Variants in LRRC37A2 observed in about 807,000 individuals in gnomAD.
The protein encoded by LRRC37A2 is leucine rich repeat containing 37 member A2, also known as leucine-rich repeat-containing protein 37A2.
Under a neutral mutation model 68.8 loss-of-function variants are expected in LRRC37A2, and 9 were observed. The observed-to-expected ratio is 0.13, with a 90% CI of 0.08 to 0.23. LRRC37A2 has a LOEUF of 0.23. Ranked by LOEUF, LRRC37A2 falls within the 10% of genes least tolerant of loss-of-function variation. LRRC37A2 has a pLI of 1.00. For synonymous variants in LRRC37A2, 63 were observed against 367.6 expected (o/e 0.17, Z 9.48); for missense variants, 168 against 950.4 (o/e 0.18, Z 10.82).
chr17:46,422,675 AT>A, the LRRC37A2 span: 2 of 195,572 alleles, frequency 1.0e-5, no homozygotes, highest in East Asian at 6.3e-5. Context: ...TTGCTTAGTG[AT>A]TTTTTTCATA....
the LRRC37A2 span, chr17:46,876,482 G>A: frequency 2.5e-6 from 4 of 1,613,678 alleles, no homozygotes; most frequent in South Asian, 2.2e-5. Context: ...AAGGTCTGGG[G>A]ACCTGGTGTA....
the LRRC37A2 span, among the ~76,000 whole-genome samples, chr17:46,977,627 G>A: frequency 1.3e-5 from 2 of 152,316 alleles, no homozygotes; most frequent in South Asian, 4.1e-4. Flanking sequence ...TTTCTCCATT[G>A]TATAATAAAC....
At chr17:46,779,852 A>G in the LRRC37A2 span, among the ~76,000 whole-genome samples, 149,270 of 152,202 alleles carry the variant, frequency 0.98, 73,256 homozygotes, top group East Asian at 1. Flanking sequence ...TCTGCCTCCC[A>G]AGTTCAAGTG....
At chr17:46,445,204 A>G in the LRRC37A2 span, among the ~76,000 whole-genome samples, 1 of 69,928 alleles carries the variant, frequency 1.4e-5, no homozygotes, top group Non-Finnish European at 3.3e-5. Context: ...GTAGGCCGAA[A>G]TTGTGCTAAC....
the LRRC37A2 span, among the ~76,000 whole-genome samples, chr17:46,606,142 G>A: frequency 1.9e-4 from 5 of 26,242 alleles, no homozygotes; most frequent in Non-Finnish European, 3.0e-4. Context: ...TCACGCCATT[G>A]CACTCCAGCC....
chr17:46,902,096 C>T, the LRRC37A2 span, among the ~76,000 whole-genome samples: 6 of 152,320 alleles, frequency 3.9e-5, no homozygotes, highest in African/African-American at 1.2e-4. Context: ...GTATGAGCCA[C>T]GGCACTGGGC....
the LRRC37A2 span, among the ~76,000 whole-genome samples, chr17:46,776,960 C>T: frequency 6.6e-6 from 1 of 152,146 alleles, no homozygotes; most frequent in African/African-American, 2.4e-5. Flanking sequence ...GGCCTGGGCA[C>T]CCTCAAGCTA....
At chr17:46,696,572 G>T in the LRRC37A2 span, among the ~76,000 whole-genome samples, 1 of 94,566 alleles carries the variant, frequency 1.1e-5, no homozygotes, top group African/African-American at 5.9e-5. Flanking sequence ...GCTTCAGCAT[G>T]GAAGTTAGGG....
the LRRC37A2 span, chr17:46,875,264 C>A: frequency 1.2e-6 from 2 of 1,614,214 alleles, no homozygotes; most frequent in Middle Eastern, 1.6e-4. Context: ...GTGACAACCT[C>A]AAGTACAGCA....
At chr17:46,785,874 G>A in the LRRC37A2 span, among the ~76,000 whole-genome samples, 1 of 152,208 alleles carries the variant, frequency 6.6e-6, no homozygotes, top group Non-Finnish European at 1.5e-5. Context: ...GGAGGGCGGG[G>A]CAGTGCCTGG....
chr17:46,625,879 T>TA, the LRRC37A2 span, among the ~76,000 whole-genome samples: 5,462 of 58,364 alleles, frequency 0.094, 76 homozygotes, highest in East Asian at 0.13. Flanking sequence ...CCACATGTAT[T>TA]AAAAAAAAAA....
chr17:46,685,422 A>G, the LRRC37A2 span, among the ~76,000 whole-genome samples: 122 of 149,972 alleles, frequency 8.1e-4, no homozygotes, highest in African/African-American at 1.7e-3. Flanking sequence ...TGTGTTACAT[A>G]ATAAAGAAAA....
chr17:46,516,616 A>T (rs1357305569), intron 2 of LRRC37A2: 1 of 162,190 alleles, frequency 6.2e-6, no homozygotes, highest in East Asian at 1.7e-4. Context: ...GATTCTGTAA[A>T]ACCTTGATTA....
chr17:46,899,930 G>C, the LRRC37A2 span, among the ~76,000 whole-genome samples: 31 of 151,700 alleles, frequency 2.0e-4, no homozygotes, highest in Non-Finnish European at 3.5e-4. Flanking sequence ...TCAAACTATA[G>C]GGGTACAACC....
At chr17:46,785,339 C>T in the LRRC37A2 span, among the ~76,000 whole-genome samples, 8 of 152,282 alleles carry the variant, frequency 5.3e-5, no homozygotes, top group South Asian at 4.1e-4. Flanking sequence ...CTAATGTCAC[C>T]GTGAGTGCAG....
the LRRC37A2 span, among the ~76,000 whole-genome samples, chr17:46,894,111 T>G: frequency 6.6e-6 from 1 of 152,226 alleles, no homozygotes; most frequent in African/African-American, 2.4e-5. Context: ...CAAACACCTG[T>G]GAAACACCTC....
At chr17:47,029,520 T>A in the LRRC37A2 span, among the ~76,000 whole-genome samples, 4 of 152,172 alleles carry the variant, frequency 2.6e-5, no homozygotes, top group African/African-American at 9.7e-5. Flanking sequence ...TTCACACAGT[T>A]CACTTCGAGA....
At chr17:46,851,529 C>T in the LRRC37A2 span, 1 of 504,104 alleles carries the variant, frequency 2.0e-6, no homozygotes, top group Middle Eastern at 6.1e-4. The surrounding 1 kb of genome is among the most constrained non-coding windows in gnomAD (Gnocchi z 4.3). Context: ...CCTTTCCCAG[C>T]GCCGCCTGCC....
At chr17:46,722,772 A>G in the LRRC37A2 span, among the ~76,000 whole-genome samples, 1 of 152,144 alleles carries the variant, frequency 6.6e-6, no homozygotes, top group African/African-American at 2.4e-5. Flanking sequence ...ATGTGTGTGT[A>G]TGTATGTATT....
Sources: gnomAD v4.1 joint callset for allele counts (sites outside exome capture counted in the v4.1 genomes callset) on GRCh38, gnomAD v4.1.1 for gene constraint, Gnocchi (gnomAD v3.1) non-coding constraint, MANE v1.5 for transcripts, NCBI Gene and HGNC (gene_info 2026-07-23, HGNC 2026-07-21) for gene names.